The following MALRD1 variants were observed in gnomAD, a reference collection of about 807,000 sequenced individuals.
MALRD1 encodes MAM and LDL receptor class A domain containing 1.
Under a neutral mutation model 242.1 loss-of-function variants are expected in MALRD1, and 247 were observed. That is an observed-to-expected ratio of 1.02 (90% CI 0.92 to 1.13). The LOEUF is 1.13. MALRD1 is among the 50% of genes most tolerant of loss of function. The pLI is 0.00. For synonymous variants in MALRD1, 995 were observed against 866.6 expected (o/e 1.15, Z -2.60); for missense variants, 2,989 against 2,533.1 (o/e 1.18, Z -3.86).
In MALRD1 at chr10:19,442,084, T is replaced by A. The variant is rs187073635; in HGVS notation, c.4846-8223T>A. On this transcript the variant is annotated intron_variant, in intron 28 of 39. Transcript: ENST00000454679. ...AGTTGGATTCCTAGGTATTTTATTC[T>A]CTTTGAAGCAATTGTGAATGGGAGT... Among the ~76,000 whole-genome samples the A allele has an allele frequency of 2.2e-3, 331 of 152,274 alleles. 1 individual carries two copies. The highest frequency in any genetic ancestry group is 7.6e-3 in the African/African-American group (314 of 41,564).
chr10:19,353,001 T>TTTTTTTTC (rs1388271554), intron 26 of MALRD1, among the ~76,000 whole-genome samples: 1 of 151,900 alleles, frequency 6.6e-6, no homozygotes, highest in Non-Finnish European at 1.5e-5. Flanking sequence ...AGATACTACT[T>TTTTTTTTC]TTTTTTTCTT....
At chr10:19,190,658 ATTTTTTTT>A (rs35922631) in intron 14 of MALRD1, among the ~76,000 whole-genome samples, 1 of 145,114 alleles carries the variant, frequency 6.9e-6, no homozygotes, top group Non-Finnish European at 1.5e-5. Context: ...TGAACAAGTG[ATTTTTTTT>A]TTTTTTTTTG....
intron 29 of MALRD1, among the ~76,000 whole-genome samples, chr10:19,454,713 TACACAC>T (rs35489123): frequency 0.052 from 6,839 of 132,324 alleles, 186 homozygotes; most frequent in Middle Eastern, 0.083. Flanking sequence ...CGTGCACACG[TACACAC>T]ACACACACAC....
At chr10:19,434,254 T>A (rs1384848592) in intron 28 of MALRD1, among the ~76,000 whole-genome samples, 2 of 152,196 alleles carry the variant, frequency 1.3e-5, no homozygotes, top group African/African-American at 2.4e-5. Flanking sequence ...AATGTATGTC[T>A]AAAATTACAC....
intron 4 of MALRD1, among the ~76,000 whole-genome samples, chr10:19,088,568 T>TA (rs1835762946): frequency 1.1e-5 from 1 of 89,220 alleles, no homozygotes; most frequent in Non-Finnish European, 2.2e-5. Flanking sequence ...ATAAAGTTTT[T>TA]TTTTATTTAT....
At position 19,205,225 on chromosome 10, in the gene MALRD1, G is replaced by A; in HGVS notation, c.2538G>A (p.Leu846=). The change falls in exon 17 of 40, where the codon CTG becomes CTA. Residue 846 remains leucine, a synonymous_variant. Coordinates refer to ENST00000454679, the MANE Select transcript of MALRD1 (RefSeq NM_001142308.3). ...ACIEKLRLCD[L]VDDCGDRTDE... ...TAGAAAAGCTTCGGTTATGTGATCT[G>A]GTGGATGACTGTGGTGATCGTACTG... 1 of 1,550,922 alleles carries A rather than the reference G, an allele frequency of 6.4e-7. No homozygotes were observed.
At chr10:19,156,294 C>T (rs1834141187) in intron 12 of MALRD1, among the ~76,000 whole-genome samples, 1 of 151,088 alleles carries the variant, frequency 6.6e-6, no homozygotes, top group Non-Finnish European at 1.5e-5. Flanking sequence ...CTTTCTTTTC[C>T]TTTCTTTTGT....
chr10:19,586,727 G>T (rs867869683), intron 33 of MALRD1, among the ~76,000 whole-genome samples: 1 of 152,252 alleles, frequency 6.6e-6, no homozygotes, highest in East Asian at 1.9e-4. Flanking sequence ...AGGCCCGCAG[G>T]CCTCCTTGAG....
At chr10:19,342,636 T>A (rs1843936879) in intron 24 of MALRD1, among the ~76,000 whole-genome samples, 2 of 152,150 alleles carry the variant, frequency 1.3e-5, no homozygotes, top group African/African-American at 4.8e-5. Context: ...ACAACCAGTG[T>A]GTTTTCAGAG....
At chr10:19,070,789 T>C (rs1479017735) in intron 2 of MALRD1, among the ~76,000 whole-genome samples, 1 of 151,364 alleles carries the variant, frequency 6.6e-6, no homozygotes, top group South Asian at 2.1e-4. Flanking sequence ...AGCATGGTGA[T>C]AATTTGTTTA....
chr10:19,209,708 A>G (rs1836956545), intron 18 of MALRD1, 28 bp downstream of exon 18: 1 of 1,489,840 alleles, frequency 6.7e-7, no homozygotes, highest in African/African-American at 1.4e-5. Context: ...TATAATGTAC[A>G]TTTGAAATGC....
At chr10:19,215,269 C>T (rs1363308858) in intron 18 of MALRD1, among the ~76,000 whole-genome samples, 1 of 152,204 alleles carries the variant, frequency 6.6e-6, no homozygotes, top group Admixed American at 6.5e-5. Context: ...ACACTTCTGG[C>T]ACCCATGCAG....
intron 11 of MALRD1, among the ~76,000 whole-genome samples, chr10:19,153,597 GAGGATTGTTTGAACCC>G (rs1564426482): frequency 6.6e-6 from 1 of 151,764 alleles, no homozygotes; most frequent in African/African-American, 2.4e-5. Flanking sequence ...GCTGAAGTTG[GAGGATTGTTTGAACCC>G]AGGAGTTCCA....
intron 34 of MALRD1, among the ~76,000 whole-genome samples, chr10:19,602,317 G>T (rs1216819008): frequency 1.3e-5 from 2 of 150,280 alleles, no homozygotes; most frequent in Non-Finnish European, 3.0e-5. Flanking sequence ...TTTACATTAG[G>T]TATATCTCCT....
At chr10:19,138,951 CA>C (rs979921384) in intron 10 of MALRD1, among the ~76,000 whole-genome samples, 5 of 152,194 alleles carry the variant, frequency 3.3e-5, no homozygotes, top group Middle Eastern at 3.4e-3. Context: ...TGTTTCTCAA[CA>C]AAAACAGTGT....
At chr10:19,651,575 C>CT (rs1163474794) in intron 36 of MALRD1, among the ~76,000 whole-genome samples, 2 of 152,070 alleles carry the variant, frequency 1.3e-5, no homozygotes, top group Non-Finnish European at 2.9e-5. Context: ...ACAAACAACA[C>CT]TTATTGAGCA....
intron 36 of MALRD1, among the ~76,000 whole-genome samples, chr10:19,663,349 CATG>C (rs1316387467): frequency 6.6e-6 from 1 of 152,114 alleles, no homozygotes; most frequent in Non-Finnish European, 1.5e-5. Context: ...CTGCAAAAGA[CATG>C]ATTTCATTTT....
At chr10:19,056,364 A>G (rs139971019) in intron 1 of MALRD1, among the ~76,000 whole-genome samples, 2 of 151,800 alleles carry the variant, frequency 1.3e-5, no homozygotes, top group East Asian at 1.9e-4. Flanking sequence ...CTTAAGTTTA[A>G]TTCTCGGTGT....
chr10:19,256,296 C>T (rs1839508049), intron 18 of MALRD1, among the ~76,000 whole-genome samples: 1 of 152,046 alleles, frequency 6.6e-6, no homozygotes, highest in South Asian at 2.1e-4. Flanking sequence ...CAACTGTTCA[C>T]CCAACTCTAT....
Sources: allele counts gnomAD v4.1 joint callset (sites outside exome capture counted in the v4.1 genomes callset), GRCh38; gene constraint gnomAD v4.1.1; transcripts MANE v1.5; gene names NCBI Gene and HGNC (gene_info 2026-07-23, HGNC 2026-07-21).